Variants in LRP1B observed in about 807,000 individuals in gnomAD.
LRP1B encodes low-density lipoprotein receptor-related protein 1B.
Under a neutral mutation model 556.6 loss-of-function variants are expected in LRP1B, and 217 were observed. That is an observed-to-expected ratio of 0.39 (90% CI 0.35 to 0.44). The LOEUF (loss-of-function observed/expected upper bound fraction) is 0.44, where lower values mean the gene tolerates loss of function less well. LRP1B is among the 20% of genes least tolerant of loss of function. The pLI is 1.00. For missense variants in LRP1B, 5,053 were observed against 5,620.8 expected (o/e 0.90, Z 3.23); for synonymous variants, 2,047 against 1,865.8 (o/e 1.10, Z -2.50).
chr2:141,209,620 T>C (rs1414108942), intron 6 of LRP1B, among the ~76,000 whole-genome samples: 2 of 152,174 alleles, frequency 1.3e-5, no homozygotes, highest in Non-Finnish European at 2.9e-5. Flanking sequence ...ACATGCAAAA[T>C]TTCACAAACT....
intron 3 of LRP1B, among the ~76,000 whole-genome samples, chr2:141,299,372 G>T (rs190444645): frequency 2.0e-5 from 3 of 152,122 alleles, no homozygotes; most frequent in Non-Finnish European, 2.9e-5. Flanking sequence ...TTTGATTGTT[G>T]TAATGGTAAC....
intron 2 of LRP1B, among the ~76,000 whole-genome samples, chr2:141,546,662 G>T (rs990151220): frequency 2.6e-5 from 4 of 152,146 alleles, no homozygotes; most frequent in Non-Finnish European, 5.9e-5. Context: ...AAGGAGAAAA[G>T]ATTCCCTTTC....
intron 69 of LRP1B, among the ~76,000 whole-genome samples, chr2:140,372,679 T>A (rs1683047135): frequency 6.6e-6 from 1 of 152,102 alleles, no homozygotes. Context: ...CTAAAACCTA[T>A]CTTTTACTGT....
At chr2:142,114,475 T>C (rs1402235332) in intron 1 of LRP1B, among the ~76,000 whole-genome samples, 1 of 152,152 alleles carries the variant, frequency 6.6e-6, no homozygotes, top group Non-Finnish European at 1.5e-5. Flanking sequence ...CCACTATTTT[T>C]ATTGCAGCAC....
intron 11 of LRP1B, among the ~76,000 whole-genome samples, chr2:141,032,818 T>TAC: frequency 1.4e-5 from 2 of 141,798 alleles, no homozygotes; most frequent in African/African-American, 5.4e-5. Flanking sequence ...TGTGTATATA[T>TAC]ATACATACAT....
intron 1 of LRP1B, among the ~76,000 whole-genome samples, chr2:142,016,128 G>T (rs1258081993): frequency 6.6e-6 from 1 of 151,198 alleles, no homozygotes; most frequent in East Asian, 2.0e-4. Context: ...AAACCACAAT[G>T]AGATACCATC....
At chr2:141,930,159 TTTAGGAATGTAAAATGCTGAAAC>T (rs1700453317) in intron 1 of LRP1B, among the ~76,000 whole-genome samples, 2 of 152,102 alleles carry the variant, frequency 1.3e-5, no homozygotes, top group African/African-American at 4.8e-5. Context: ...TTTTAAATGC[TTTAGGAATGTAAAATGCTGAAAC>T]TCTGGCTCAT....
chr2:140,380,712 A>C (rs955405144), intron 67 of LRP1B, among the ~76,000 whole-genome samples: 3 of 152,232 alleles, frequency 2.0e-5, no homozygotes, highest in African/African-American at 7.2e-5. Context: ...CCTATTTAAA[A>C]GTAAGTGTGC....
chr2:140,846,428 G>A (rs748763118), intron 29 of LRP1B, among the ~76,000 whole-genome samples: 3 of 151,994 alleles, frequency 2.0e-5, no homozygotes, highest in Non-Finnish European at 2.9e-5. Context: ...ATGGTGGCGG[G>A]TGCCTGTAAT....
chr2:141,621,895 G>A (rs1040269677), intron 2 of LRP1B, among the ~76,000 whole-genome samples: 29 of 150,814 alleles, frequency 1.9e-4, no homozygotes, highest in African/African-American at 6.7e-4. Context: ...TTGTTTGTTT[G>A]TTTCTTTGTT....
At chr2:142,051,326 G>C (rs769304587) in intron 1 of LRP1B, among the ~76,000 whole-genome samples, 8 of 151,892 alleles carry the variant, frequency 5.3e-5, no homozygotes, top group Non-Finnish European at 8.8e-5. Context: ...AGTAATTTTA[G>C]TTTTAGGAAT....
intron 66 of LRP1B, among the ~76,000 whole-genome samples, chr2:140,432,573 A>G (rs2105285857): frequency 6.6e-6 from 1 of 152,316 alleles, no homozygotes; most frequent in South Asian, 2.1e-4. Context: ...CAAACACCAC[A>G]CTGAGAAACT....
intron 31 of LRP1B, among the ~76,000 whole-genome samples, chr2:140,815,173 G>A (rs114283014): frequency 0.01 from 1,545 of 151,960 alleles, 22 homozygotes; most frequent in African/African-American, 0.036. Context: ...AAGAAGGAAG[G>A]GCAGATGATT....
At chr2:141,362,900 A>G (rs768070669) in intron 3 of LRP1B, among the ~76,000 whole-genome samples, 2 of 152,070 alleles carry the variant, frequency 1.3e-5, no homozygotes, top group Non-Finnish European at 2.9e-5. Flanking sequence ...TCATTTATTA[A>G]TTCATTCCAA....
At chr2:141,323,524 T>G (rs1411194421) in intron 3 of LRP1B, among the ~76,000 whole-genome samples, 2 of 152,118 alleles carry the variant, frequency 1.3e-5, no homozygotes, top group African/African-American at 4.8e-5. Context: ...AAATGCTCCC[T>G]AAACTTCTGT....
intron 3 of LRP1B, among the ~76,000 whole-genome samples, chr2:141,467,096 ATATGTGTATATATATATATATATATATC>A (rs1230406618): frequency 0.04 from 195 of 4,826 alleles, 10 homozygotes; most frequent in Middle Eastern, 0.14. Flanking sequence ...ACACACATAT[ATATGTGTATATATATATATATATATATC>A]TATATATATA....
chr2:140,715,818 A>C (rs188465842), intron 37 of LRP1B, among the ~76,000 whole-genome samples, 155 bp downstream of exon 37: 1 of 145,306 alleles, frequency 6.9e-6, no homozygotes, highest in African/African-American at 2.5e-5. Context: ...GTACTAAATT[A>C]TATGAACAAA....
At chr2:140,605,825 A>G (rs1682848062) in intron 41 of LRP1B, among the ~76,000 whole-genome samples, 1 of 152,116 alleles carries the variant, frequency 6.6e-6, no homozygotes, top group Non-Finnish European at 1.5e-5. Flanking sequence ...TTATAAAAAT[A>G]TTCAACAAAC....
chr2:141,235,771 A>G (rs757775160), intron 5 of LRP1B, among the ~76,000 whole-genome samples: 5 of 152,176 alleles, frequency 3.3e-5, no homozygotes, highest in Admixed American at 2.0e-4. Context: ...CTGTATATGC[A>G]GAACATCCCT....
Sources: gnomAD v4.1 joint callset for allele counts (sites outside exome capture counted in the v4.1 genomes callset) on GRCh38, gnomAD v4.1.1 for gene constraint, MANE v1.5 for transcripts, NCBI Gene and HGNC (gene_info 2026-07-23, HGNC 2026-07-21) for gene names.